LIN7A: variants seen among roughly 807,000 people sequenced by gnomAD.
LIN7A encodes the protein protein lin-7 homolog A.
A neutral mutation model predicts 29.8 loss-of-function variants in LIN7A; 25 were observed. That is an observed-to-expected ratio of 0.84 (90% CI 0.61 to 1.17). The LOEUF is 1.17. Among genes scored for constraint, LIN7A ranks in the 50% most tolerant of loss-of-function variants. The pLI is 0.00. For synonymous variants in LIN7A, 118 were observed against 107.5 expected, an observed-to-expected ratio of 1.10 and a Z score of -0.60; for missense variants, 239 against 287.0, an observed-to-expected ratio of 0.83 and a Z score of 1.21.
chr12:80,879,145 T>A (rs1046871823), intron 2 of LIN7A, among the ~76,000 whole-genome samples: 1 of 152,192 alleles, frequency 6.6e-6, no homozygotes, highest in African/African-American at 2.4e-5. Flanking sequence ...AAAACATAGA[T>A]TGCTTGCTAT....
intron 2 of LIN7A, among the ~76,000 whole-genome samples, chr12:80,863,769 C>T (rs1359225795): frequency 2.0e-5 from 3 of 152,162 alleles, no homozygotes; most frequent in Non-Finnish European, 4.4e-5. Flanking sequence ...CTCTGGTCCT[C>T]ACCCTATCCT....
At chr12:80,854,252 T>C (rs1346083142) in intron 2 of LIN7A, among the ~76,000 whole-genome samples, 1 of 152,014 alleles carries the variant, frequency 6.6e-6, no homozygotes, top group East Asian at 1.9e-4. Flanking sequence ...ACTGGTGGTA[T>C]AGCCATACAA....
rs1381475018 is a variant in LIN7A, at chr12:80,793,455, A to AT, written c.*4271dup. 6 of 152,062 alleles carry AT rather than the reference A, an allele frequency of 3.9e-5. No homozygotes were observed. The highest frequency in any genetic ancestry group is 9.7e-5 in the African/African-American group (4 of 41,418). 9.4% of individuals were successfully genotyped at this position (152,062 alleles called of 1,614,324 possible). A position where few individuals can be genotyped will look rare whatever the true frequency, so the allele number is the denominator to read the frequency against. On this transcript the variant is annotated 3_prime_UTR_variant, in exon 6 of 6. Transcript: ENST00000552864. The stretch of plus-strand genomic sequence containing the variant: ...TGACTTCCATGGGGTGAGGAATTTT[A>AT]TTTTTTCTATCAGGTGTGAAGAGGA...
At chr12:80,933,992 G>C (rs528232779) in intron 1 of LIN7A, among the ~76,000 whole-genome samples, 2 of 152,026 alleles carry the variant, frequency 1.3e-5, no homozygotes, top group Non-Finnish European at 1.5e-5. Flanking sequence ...AATGTTTGGC[G>C]TAAGTCTGGT....
chr12:80,799,721 G>A (rs999729312), intron 5 of LIN7A, among the ~76,000 whole-genome samples: 2 of 151,990 alleles, frequency 1.3e-5, no homozygotes, highest in African/African-American at 4.8e-5. Flanking sequence ...AAAGTAAGCA[G>A]AAGAAAACAA....
chr12:80,930,418 A>G (rs1002680337), intron 1 of LIN7A, among the ~76,000 whole-genome samples: 2 of 152,194 alleles, frequency 1.3e-5, no homozygotes, highest in Non-Finnish European at 2.9e-5. Flanking sequence ...CACAATTTTT[A>G]AGGTTAAGTT....
At chr12:80,864,341 T>C (rs771486883) in intron 2 of LIN7A, among the ~76,000 whole-genome samples, 1 of 151,718 alleles carries the variant, frequency 6.6e-6, no homozygotes, top group Non-Finnish European at 1.5e-5. Flanking sequence ...AAAAAAGAAA[T>C]GAATCACTTT....
At chr12:80,872,713 C>T (rs1474420834) in intron 2 of LIN7A, among the ~76,000 whole-genome samples, 1 of 152,182 alleles carries the variant, frequency 6.6e-6, no homozygotes, top group East Asian at 1.9e-4. Context: ...CTAATTTACT[C>T]AGTTAATGTC....
intron 2 of LIN7A, among the ~76,000 whole-genome samples, chr12:80,856,839 AC>A (rs1873626991): frequency 1.4e-5 from 2 of 139,608 alleles, no homozygotes; most frequent in South Asian, 4.1e-4. Flanking sequence ...ATAACTAAAA[AC>A]AAAACAAAAC....
intron 2 of LIN7A, among the ~76,000 whole-genome samples, chr12:80,884,491 C>T (rs780653719): frequency 1.3e-5 from 2 of 152,118 alleles, no homozygotes; most frequent in African/African-American, 2.4e-5. Flanking sequence ...CATTACTAGT[C>T]GTCTAGCAAA....
At chr12:80,920,146 G>T (rs1016402506) in intron 1 of LIN7A, among the ~76,000 whole-genome samples, 2 of 152,202 alleles carry the variant, frequency 1.3e-5, no homozygotes, top group East Asian at 3.8e-4. Context: ...ATTCAACTCT[G>T]CAGCCGTAGC....
At chr12:80,882,347 G>C (rs12426004) in intron 2 of LIN7A, among the ~76,000 whole-genome samples, 6,284 of 120,818 alleles carry the variant, frequency 0.052, 312 homozygotes, top group Admixed American at 0.19. Context: ...TGCAGTGGCG[G>C]GATCTCGGCT....
At chr12:80,808,939 C>T (rs906034625) in intron 5 of LIN7A, among the ~76,000 whole-genome samples, 5 of 151,826 alleles carry the variant, frequency 3.3e-5, no homozygotes, top group Non-Finnish European at 7.4e-5. Flanking sequence ...GGACAAATCC[C>T]TATCTTTTCC....
rs1452274302 is a variant in LIN7A at position 80,797,375 on chromosome 12, A to G, written c.*352T>C. Reference sequence around the variant, plus strand: ...TTGCTAATATCTGGAAAAGCTATGGACCCAAGATTCACTCAATCTTGGCCC... The same window carrying G: ...TTGCTAATATCTGGAAAAGCTATGGGCCCAAGATTCACTCAATCTTGGCCC... On this transcript the variant is annotated 3_prime_UTR_variant, in exon 6 of 6. Transcript: ENST00000552864. 2 of 152,568 alleles carry G rather than the reference A, an allele frequency of 1.3e-5. No individual in the cohort carries two copies. Among genetic ancestry groups the G allele is most frequent in the African/African-American group, 4.8e-5 (2 of 41,426 alleles). The allele number at this position is 152,568 out of a possible 1,614,324, so 9.5% of individuals were successfully genotyped here.
chr12:80,883,147 C>A (rs934197520), intron 2 of LIN7A, among the ~76,000 whole-genome samples: 1 of 151,830 alleles, frequency 6.6e-6, no homozygotes, highest in Non-Finnish European at 1.5e-5. Flanking sequence ...TCCTTCTCAT[C>A]CTTCACTCGC....
chr12:80,922,702 T>C (rs1592952967), intron 1 of LIN7A, among the ~76,000 whole-genome samples: 1 of 152,220 alleles, frequency 6.6e-6, no homozygotes, highest in East Asian at 1.9e-4. Context: ...TTTCTGTGGT[T>C]ATGGTTACCT....
rs1555221384 is a variant in LIN7A at position 80,807,081 on chromosome 12, T to TTTTTTTTTTGTTTG, written c.*4383_*4384insCAAACAAAAAAAAA. ...AGATGGAGTTTTTTTTTTTTTTTTT[T>TTTTTTTTTTGTTTG]TTTTTTTTTTGACGGAGTCTCGCTC... On this transcript the variant is annotated intron_variant, in intron 5 of 5. Transcript: ENST00000552864. Among the ~76,000 whole-genome samples the TTTTTTTTTTGTTTG allele has an allele frequency of 1.5e-3, 205 of 135,604 alleles. 8 individuals carry two copies. The highest frequency in any genetic ancestry group is 5.4e-3 in the South Asian group (23 of 4,248). 89.0% of individuals were successfully genotyped at this position (135,604 alleles called of 152,430 possible). A position where few individuals can be genotyped will look rare whatever the true frequency, so the allele number is the denominator to read the frequency against.
At chr12:80,918,979 A>G (rs1167272417) in intron 1 of LIN7A, among the ~76,000 whole-genome samples, 1 of 152,234 alleles carries the variant, frequency 6.6e-6, no homozygotes, top group Admixed American at 6.5e-5. Flanking sequence ...CACAGCCTGT[A>G]CAGGTTTGTA....
chr12:80,889,110 A>T, intron 2 of LIN7A, 141 bp downstream of exon 2: 4 of 649,546 alleles, frequency 6.2e-6, no homozygotes, highest in Non-Finnish European at 1.1e-5. Flanking sequence ...ATTATATTTT[A>T]TCATCTGTCC....
Sources: allele counts gnomAD v4.1 joint callset (sites outside exome capture counted in the v4.1 genomes callset), GRCh38; gene constraint gnomAD v4.1.1; transcripts MANE v1.5; gene names NCBI Gene and HGNC (gene_info 2026-07-23, HGNC 2026-07-21).